The following ULK4 variants were observed in gnomAD, a reference collection of about 807,000 sequenced individuals.
ULK4 encodes the protein inactive serine/threonine-protein kinase ULK4.
In ULK4, 133 loss-of-function variants were observed where a neutral mutation model predicts 160.6. The observed-to-expected ratio is 0.83, with a 90% confidence interval of 0.72 to 0.96. The LOEUF is 0.96. Among genes scored for constraint, ULK4 ranks in the 40% least tolerant of loss-of-function variants. ULK4 has a pLI of 0.00. For synonymous variants in ULK4, 534 were observed against 539.8 expected (o/e 0.99, Z 0.15); for missense variants, 1,580 against 1,499.5 (o/e 1.05, Z -0.89).
At chr3:41,259,295 T>C (rs919642340) in intron 35 of ULK4, among the ~76,000 whole-genome samples, 3 of 152,156 alleles carry the variant, frequency 2.0e-5, no homozygotes, top group African/African-American at 7.2e-5. Flanking sequence ...TCATGAATTG[T>C]AAAGTAGTGG....
chr3:41,530,966 G>A (rs6777649), intron 32 of ULK4, among the ~76,000 whole-genome samples: 18,546 of 150,844 alleles, frequency 0.12, 1,471 homozygotes, highest in East Asian at 0.29. Flanking sequence ...GTTTCACCAC[G>A]TTGGCCAAGA....
intron 34 of ULK4, among the ~76,000 whole-genome samples, chr3:41,424,461 G>A (rs1408930534): frequency 6.6e-6 from 1 of 152,174 alleles, no homozygotes; most frequent in African/African-American, 2.4e-5. Context: ...CATGCCTCCT[G>A]ACTGTGTAGG....
intron 34 of ULK4, among the ~76,000 whole-genome samples, chr3:41,416,994 G>GTACAGCC (rs1455229982): frequency 1.3e-5 from 2 of 152,140 alleles, no homozygotes; most frequent in African/African-American, 4.8e-5. Context: ...TTACCAAAAG[G>GTACAGCC]ATGCCATGGT....
intron 25 of ULK4, among the ~76,000 whole-genome samples, 197 bp from the exon 26 acceptor site, chr3:41,705,502 C>CTT (rs907493815): frequency 6.8e-6 from 1 of 146,076 alleles, no homozygotes. Flanking sequence ...ACAATAATCT[C>CTT]TTTTTTTTTT....
intron 34 of ULK4, among the ~76,000 whole-genome samples, chr3:41,426,893 G>A (rs1048684721): frequency 1.9e-4 from 29 of 151,820 alleles, no homozygotes; most frequent in African/African-American, 5.6e-4. Context: ...CAAAACTCAC[G>A]GAAGACAAGA....
intron 5 of ULK4, among the ~76,000 whole-genome samples, chr3:41,929,069 A>T (rs541914314): frequency 3.3e-5 from 5 of 152,248 alleles, no homozygotes; most frequent in Admixed American, 3.3e-4. Flanking sequence ...TATCCCCGAT[A>T]AACATCGATG....
At chr3:41,827,039 C>T (rs1407004215) in intron 18 of ULK4, among the ~76,000 whole-genome samples, 1 of 150,996 alleles carries the variant, frequency 6.6e-6, no homozygotes, top group Non-Finnish European at 1.5e-5. Context: ...GGAAACTGAA[C>T]AACCTGCTCC....
At chr3:41,682,858 C>T (rs942764507) in intron 27 of ULK4, among the ~76,000 whole-genome samples, 2 of 152,162 alleles carry the variant, frequency 1.3e-5, no homozygotes, top group African/African-American at 4.8e-5. Flanking sequence ...ATCAATACTA[C>T]CAACATGATC....
At chr3:41,462,999 C>A (rs1404559939) in intron 33 of ULK4, 88 bp downstream of exon 33, 1 of 1,448,882 alleles carries the variant, frequency 6.9e-7, no homozygotes, top group East Asian at 2.3e-5. Context: ...AGTAAAGACA[C>A]AATAGAGGAA....
intron 35 of ULK4, among the ~76,000 whole-genome samples, chr3:41,274,886 T>G (rs980618365): frequency 6.6e-6 from 1 of 152,126 alleles, no homozygotes; most frequent in Non-Finnish European, 1.5e-5. Flanking sequence ...GATAAAAGAT[T>G]ATGAGAAAAG....
intron 25 of ULK4, among the ~76,000 whole-genome samples, chr3:41,714,739 A>G (rs2037206017): frequency 6.6e-6 from 1 of 151,874 alleles, no homozygotes; most frequent in Non-Finnish European, 1.5e-5. Flanking sequence ...ATAAGAAGAG[A>G]CACTGTGGGG....
intron 1 of ULK4, among the ~76,000 whole-genome samples, chr3:41,957,584 G>A (rs558597972): frequency 4.0e-5 from 6 of 151,658 alleles, no homozygotes; most frequent in African/African-American, 7.3e-5. Flanking sequence ...ACGGTTGCTC[G>A]CACCTATAAT....
intron 1 of ULK4, among the ~76,000 whole-genome samples, chr3:41,960,521 AC>A (rs1315998795): frequency 6.6e-6 from 1 of 151,816 alleles, no homozygotes; most frequent in Non-Finnish European, 1.5e-5. Flanking sequence ...ACACCACCAC[AC>A]CCAGTTAATT....
At chr3:41,915,892 T>A (rs1259532912) in intron 8 of ULK4, 85 bp downstream of exon 8, 1 of 896,104 alleles carries the variant, frequency 1.1e-6, no homozygotes, top group Non-Finnish European at 1.7e-6. Flanking sequence ...AAGATTTCAT[T>A]ATTTATTCCC....
intron 21 of ULK4, among the ~76,000 whole-genome samples, chr3:41,760,886 T>C (rs1428873334): frequency 6.8e-6 from 1 of 147,036 alleles, no homozygotes; most frequent in Non-Finnish European, 1.5e-5. Context: ...AAATAAACTG[T>C]GGTACATCCA....
At chr3:41,670,213 G>A (rs1267757876) in intron 29 of ULK4, among the ~76,000 whole-genome samples, 1 of 152,162 alleles carries the variant, frequency 6.6e-6, no homozygotes, top group Non-Finnish European at 1.5e-5. Flanking sequence ...CAAGGACACT[G>A]AGGTAAAATC....
At chr3:41,886,661 C>G (rs542347288) in intron 16 of ULK4, among the ~76,000 whole-genome samples, 23 of 151,944 alleles carry the variant, frequency 1.5e-4, no homozygotes, top group Admixed American at 1.4e-3. Flanking sequence ...CTGCACCCTC[C>G]GCCTCCTGGG....
At chr3:41,808,850 G>C (rs1300913239) in intron 19 of ULK4, among the ~76,000 whole-genome samples, 1 of 152,130 alleles carries the variant, frequency 6.6e-6, no homozygotes, top group Non-Finnish European at 1.5e-5. Flanking sequence ...CAGGGTTCTT[G>C]TCTACACAGT....
At chr3:41,960,661 G>A (rs1026733313) in intron 1 of ULK4, among the ~76,000 whole-genome samples, 3 of 152,216 alleles carry the variant, frequency 2.0e-5, no homozygotes, top group African/African-American at 7.2e-5. Flanking sequence ...CACCGCGCCT[G>A]GCACTAAGTT....
Sources: gnomAD v4.1 joint callset for allele counts (sites outside exome capture counted in the v4.1 genomes callset) on GRCh38, gnomAD v4.1.1 for gene constraint, MANE v1.5 for transcripts, NCBI Gene and HGNC (gene_info 2026-07-23, HGNC 2026-07-21) for gene names.